Variants in CHN2 observed in about 807,000 individuals in gnomAD.
CHN2 encodes the protein chimerin 2.
Under a neutral mutation model 56.3 loss-of-function variants are expected in CHN2, and 35 were observed. The ratio of observed to expected loss-of-function variants is 0.62; its 90% CI spans 0.47 to 0.82. CHN2 has a LOEUF of 0.82. CHN2 is among the 40% of genes least tolerant of loss of function. The pLI is 0.00. For missense variants in CHN2, 491 were observed against 580.5 expected (o/e 0.85, Z 1.58); for synonymous variants, 210 against 212.8 (o/e 0.99, Z 0.12).
At chr7:29,182,715 T>A (rs902736397) in intron 2 of CHN2, among the ~76,000 whole-genome samples, 10 of 152,252 alleles carry the variant, frequency 6.6e-5, no homozygotes, top group African/African-American at 2.4e-4. Flanking sequence ...AAAGATTTAA[T>A]GTCAAAAGAG....
chr7:29,453,834 G>A (rs185898015), intron 6 of CHN2, among the ~76,000 whole-genome samples: 27 of 152,238 alleles, frequency 1.8e-4, no homozygotes, highest in African/African-American at 6.3e-4. Flanking sequence ...GGACTAAAAC[G>A]CTGTCACAGT....
rs868635384 is a variant in CHN2 at position 29,473,473 on chromosome 7, T to G, written c.577-6806T>G. Among the ~76,000 whole-genome samples the G allele has an allele frequency of 5.4e-4, 58 of 108,172 alleles. No homozygotes were observed. The South Asian group carries it at 8.5e-3, about 16-fold the overall frequency. The allele number at this position is 108,172 out of a possible 152,430, so 71.0% of individuals were successfully genotyped here. On this transcript the variant is annotated intron_variant, in intron 6 of 12. Coordinates refer to ENST00000222792, the MANE Select transcript of CHN2 (RefSeq NM_004067.4). ...GTGTTTGTGTGTGTGTGTTTGTGTT[T>G]TTTTTTTTTTGTGTGTGTGTGTGTG...
chr7:29,375,486 G>A (rs537990158), intron 3 of CHN2, among the ~76,000 whole-genome samples: 56 of 152,224 alleles, frequency 3.7e-4, no homozygotes, highest in Non-Finnish European at 4.9e-4. Flanking sequence ...GTGAGCCACC[G>A]CACCTGGCTG....
intron 1 of CHN2, among the ~76,000 whole-genome samples, chr7:29,290,488 T>C (rs1343158949): frequency 2.0e-5 from 3 of 152,172 alleles, no homozygotes; most frequent in Non-Finnish European, 4.4e-5. Flanking sequence ...TGGGCCATCT[T>C]ACGGCTTAGA....
At chr7:29,337,798 C>T (rs773043794) in intron 1 of CHN2, among the ~76,000 whole-genome samples, 1 of 152,190 alleles carries the variant, frequency 6.6e-6, no homozygotes, top group Non-Finnish European at 1.5e-5. Flanking sequence ...ATCACAGACA[C>T]GCTTCCTGTG....
intron 6 of CHN2, among the ~76,000 whole-genome samples, chr7:29,447,181 A>C (rs1363580971): frequency 6.6e-6 from 1 of 152,152 alleles, no homozygotes; most frequent in Admixed American, 6.5e-5. Flanking sequence ...GAGATGCTAC[A>C]ATGAGCAGAC....
rs146117536 is a variant in CHN2 at position 29,320,237 on chromosome 7, G to A, written c.50-34388G>A. 6.2e-4 allele frequency among the ~76,000 whole-genome samples: 95 copies of A among 152,260 alleles called. 1 individual carries two copies. The highest frequency in any genetic ancestry group is 1.7e-3 in the South Asian group (8 of 4,808). ...GAGCAGAGCTCTTAACCACCATGCC[G>A]AGTGACAACATGAACTTGAGACACA... On this transcript the variant is annotated intron_variant, in intron 1 of 12. Coordinates refer to ENST00000222792, the MANE Select transcript of CHN2 (RefSeq NM_004067.4).
At chr7:29,274,192 T>G (rs1790989108) in intron 1 of CHN2, among the ~76,000 whole-genome samples, 1 of 152,226 alleles carries the variant, frequency 6.6e-6, no homozygotes, top group South Asian at 2.1e-4. Context: ...GAACGTCCTA[T>G]TGGACAGGCT....
chr7:29,394,048 G>A (rs1276573388), intron 4 of CHN2, among the ~76,000 whole-genome samples: 2 of 152,106 alleles, frequency 1.3e-5, no homozygotes, highest in African/African-American at 4.8e-5. Flanking sequence ...CAACACAATA[G>A]AAACGTTTGG....
intron 6 of CHN2, chr7:29,445,187 A>G (rs1400733810): frequency 2.2e-6 from 1 of 455,682 alleles, no homozygotes; most frequent in Non-Finnish European, 4.4e-6. Flanking sequence ...TGTGGAGCCC[A>G]GACCCACAGA....
chr7:29,473,049 G>C (rs1786244999), intron 6 of CHN2, among the ~76,000 whole-genome samples: 1 of 152,228 alleles, frequency 6.6e-6, no homozygotes, highest in Non-Finnish European at 1.5e-5. Flanking sequence ...CAGGGTAGCA[G>C]GAAGAAAGTG....
intron 6 of CHN2, among the ~76,000 whole-genome samples, chr7:29,402,366 T>C (rs1321892772): frequency 2.0e-5 from 3 of 152,212 alleles, no homozygotes; most frequent in African/African-American, 7.2e-5. Flanking sequence ...TGTTTATTCT[T>C]TTCCAAATAA....
intron 1 of CHN2, among the ~76,000 whole-genome samples, chr7:29,300,806 C>G (rs1562901202): frequency 6.6e-6 from 1 of 152,100 alleles, no homozygotes; most frequent in Non-Finnish European, 1.5e-5. Flanking sequence ...AGTCTTCACC[C>G]CCATTTAAAA....
chr7:29,508,418 T>TAA (rs5883218), intron 11 of CHN2, among the ~76,000 whole-genome samples: 4,207 of 145,042 alleles, frequency 0.029, 205 homozygotes, highest in African/African-American at 0.097. Flanking sequence ...TGTTTTTATT[T>TAA]AAAAAAAAAA....
intron 2 of CHN2, among the ~76,000 whole-genome samples, chr7:29,148,895 C>T (rs1016749497): frequency 2.6e-5 from 4 of 151,890 alleles, no homozygotes; most frequent in Admixed American, 6.6e-5. Context: ...TGACTCTGCC[C>T]GAAGAGCCAG....
chr7:29,180,489 T>C (rs749778040), intron 2 of CHN2, among the ~76,000 whole-genome samples: 1 of 151,534 alleles, frequency 6.6e-6, no homozygotes, highest in Non-Finnish European at 1.5e-5. Context: ...ATCGCGCCAC[T>C]GCACTGGGCG....
At chr7:29,374,611 G>A (rs974306518) in intron 3 of CHN2, among the ~76,000 whole-genome samples, 1 of 152,118 alleles carries the variant, frequency 6.6e-6, no homozygotes, top group African/African-American at 2.4e-5. Context: ...AAGCTGTTAT[G>A]GAGTTCAGAG....
chr7:29,469,846 C>G (rs1006167831), intron 6 of CHN2, among the ~76,000 whole-genome samples: 2 of 152,138 alleles, frequency 1.3e-5, no homozygotes, highest in African/African-American at 4.8e-5. Flanking sequence ...TTCTATCTCA[C>G]TGGCCTAATA....
intron 1 of CHN2, among the ~76,000 whole-genome samples, chr7:29,308,576 T>G (rs80183333): frequency 1.8e-4 from 28 of 152,320 alleles, no homozygotes; most frequent in African/African-American, 6.3e-4. Context: ...TCGGAATCCT[T>G]AGCAGGATCT....
Sources: gnomAD v4.1 joint callset for allele counts (sites outside exome capture counted in the v4.1 genomes callset) on GRCh38, gnomAD v4.1.1 for gene constraint, MANE v1.5 for transcripts, NCBI Gene and HGNC (gene_info 2026-07-23, HGNC 2026-07-21) for gene names.